SYT14: variants seen among roughly 807,000 people sequenced by gnomAD.
The protein encoded by SYT14 is synaptotagmin 14.
In SYT14, 32 loss-of-function variants were observed where a neutral mutation model predicts 74.2. That is an observed-to-expected ratio of 0.43 (90% CI 0.33 to 0.58). SYT14 has a LOEUF of 0.58. Ranked by LOEUF, SYT14 falls within the 20% of genes least tolerant of loss-of-function variation. The probability of loss-of-function intolerance (pLI) is 0.05; values close to 1 mark genes in which losing one functional copy is unlikely to be tolerated. For synonymous variants in SYT14, 298 were observed against 337.7 expected, an observed-to-expected ratio of 0.88 and a Z score of 1.29; for missense variants, 791 against 981.8, an observed-to-expected ratio of 0.81 and a Z score of 2.60.
At chr1:210,048,304 G>A (rs1026710039) in intron 5 of SYT14, among the ~76,000 whole-genome samples, 1 of 152,052 alleles carries the variant, frequency 6.6e-6, no homozygotes, top group Non-Finnish European at 1.5e-5. Context: ...CCCTGTATTA[G>A]TCCATTTTCA....
At chr1:209,986,225 T>C (rs905523009) in intron 2 of SYT14, among the ~76,000 whole-genome samples, 7 of 152,152 alleles carry the variant, frequency 4.6e-5, no homozygotes, top group Non-Finnish European at 1.0e-4. Context: ...TAAGTTCCTA[T>C]GTTAGTAATT....
At chr1:209,977,218 T>G (rs1163769538) in intron 2 of SYT14, among the ~76,000 whole-genome samples, 1 of 152,204 alleles carries the variant, frequency 6.6e-6, no homozygotes, top group African/African-American at 2.4e-5. Context: ...TAAAGGTTAA[T>G]ATTGTTATGT....
At chr1:210,004,665 G>A (rs1461987674) in intron 2 of SYT14, among the ~76,000 whole-genome samples, 1 of 151,876 alleles carries the variant, frequency 6.6e-6, no homozygotes, top group East Asian at 1.9e-4. Context: ...TTTAAAATTT[G>A]TATTTCAATC....
intron 5 of SYT14, among the ~76,000 whole-genome samples, chr1:210,080,376 CT>C (rs2081595954): frequency 6.6e-6 from 1 of 152,088 alleles, no homozygotes; most frequent in Non-Finnish European, 1.5e-5. Flanking sequence ...GTTTTCTTGG[CT>C]TTTTTCTAAC....
intron 5 of SYT14, among the ~76,000 whole-genome samples, chr1:210,064,191 A>G (rs1025451634): frequency 9.2e-5 from 14 of 151,968 alleles, no homozygotes; most frequent in African/African-American, 3.1e-4. Flanking sequence ...ACTTAGCATA[A>G]AGTTTTCAAA....
At chr1:210,053,151 T>G (rs1332437748) in intron 5 of SYT14, among the ~76,000 whole-genome samples, 1 of 152,228 alleles carries the variant, frequency 6.6e-6, no homozygotes, top group African/African-American at 2.4e-5. Flanking sequence ...TGTTCATGCA[T>G]AGAAGGTAGA....
intron 7 of SYT14, among the ~76,000 whole-genome samples, chr1:210,119,628 G>C (rs1022464636): frequency 1.3e-5 from 2 of 152,134 alleles, no homozygotes; most frequent in African/African-American, 2.4e-5. Context: ...TGTTCATGAT[G>C]AGCCAGTATA....
At chr1:210,141,081 TTGA>T (rs1474247424) in intron 7 of SYT14, among the ~76,000 whole-genome samples, 7 of 152,018 alleles carry the variant, frequency 4.6e-5, no homozygotes, top group Non-Finnish European at 8.8e-5. Context: ...CATAGCAATT[TTGA>T]TAGGGATCGC....
rs140363425 is a variant in SYT14, at chr1:210,099,991, A to G, written c.1585-21A>G. 2,544 of 1,608,872 alleles carry G rather than the reference A, an allele frequency of 1.6e-3. 34 individuals carry two copies. Among genetic ancestry groups the G allele is most frequent in the East Asian group, 9.9e-3 (445 of 44,778 alleles). On this transcript the variant is annotated intron_variant, in intron 6 of 9. Coordinates refer to ENST00000637265, the Ensembl canonical transcript of SYT14. ...AAATAATTGAGTTAAAAACTCTAAC[A>G]TTTAAATTTTCTTTTCTTAGGATAT...
intron 5 of SYT14, among the ~76,000 whole-genome samples, chr1:210,043,874 A>G (rs2080839070): frequency 6.6e-6 from 1 of 152,150 alleles, no homozygotes; most frequent in African/African-American, 2.4e-5. Context: ...TTTATTATAT[A>G]CTACACTGCA....
chr1:209,945,285 C>T (rs754291121), intron 1 of SYT14, among the ~76,000 whole-genome samples: 2 of 152,158 alleles, frequency 1.3e-5, no homozygotes, highest in Non-Finnish European at 2.9e-5. Flanking sequence ...AAAGACAGTA[C>T]TAGGTGACGC....
At chr1:210,050,806 A>T (rs1251651414) in intron 5 of SYT14, among the ~76,000 whole-genome samples, 1 of 151,976 alleles carries the variant, frequency 6.6e-6, no homozygotes, top group Non-Finnish European at 1.5e-5. Flanking sequence ...GGAAAGACCC[A>T]CTCCCATATA....
chr1:210,101,754 ACTT>A (rs1425080666), intron 7 of SYT14, among the ~76,000 whole-genome samples: 7 of 152,188 alleles, frequency 4.6e-5, no homozygotes, highest in Middle Eastern at 3.4e-3. Context: ...TGATTTCTAA[ACTT>A]CTTCATTATT....
At chr1:210,083,689 C>T (rs1423458527) in intron 5 of SYT14, among the ~76,000 whole-genome samples, 1 of 151,920 alleles carries the variant, frequency 6.6e-6, no homozygotes, top group African/African-American at 2.4e-5. Flanking sequence ...CCCACCTCAG[C>T]CTCCTGAGTA....
chr1:209,954,274 G>A (rs1169027572), intron 2 of SYT14, among the ~76,000 whole-genome samples: 3 of 152,142 alleles, frequency 2.0e-5, no homozygotes, highest in Non-Finnish European at 2.9e-5. Context: ...TAAGGATAGA[G>A]GATGGTGTGA....
chr1:210,133,188 A>G (rs941653894), intron 7 of SYT14, among the ~76,000 whole-genome samples: 10 of 152,224 alleles, frequency 6.6e-5, no homozygotes, highest in Admixed American at 3.3e-4. Flanking sequence ...AAGTGCACAT[A>G]TATTTCTAGC....
At chr1:210,169,542 C>T (rs2083500194) in exon 10 of SYT14, 1 of 151,684 alleles carries the variant, frequency 6.6e-6, no homozygotes, top group Non-Finnish European at 1.5e-5. Context: ...CCAGTAGTAG[C>T]TTGCGTTATA....
chr1:210,019,390 A>G (rs2080257396), intron 4 of SYT14, among the ~76,000 whole-genome samples: 1 of 152,162 alleles, frequency 6.6e-6, no homozygotes, highest in African/African-American at 2.4e-5. Context: ...ACAATGAAAA[A>G]GTCTTATATC....
chr1:209,959,783 G>A (rs2079051073), intron 2 of SYT14, among the ~76,000 whole-genome samples: 1 of 152,110 alleles, frequency 6.6e-6, no homozygotes, highest in Non-Finnish European at 1.5e-5. Flanking sequence ...GGGAGAATAG[G>A]GAGTTACTAC....
Sources: allele counts gnomAD v4.1 joint callset (sites outside exome capture counted in the v4.1 genomes callset), GRCh38; gene constraint gnomAD v4.1.1; transcripts MANE v1.5; gene names NCBI Gene and HGNC (gene_info 2026-07-23, HGNC 2026-07-21).